Variants in PCDH15 observed in about 807,000 individuals in gnomAD.
PCDH15 encodes the protein protocadherin-15.
Under a neutral mutation model 178.5 loss-of-function variants are expected in PCDH15, and 129 were observed. The ratio of observed to expected loss-of-function variants is 0.72; its 90% confidence interval spans 0.63 to 0.84. The LOEUF is 0.84. PCDH15 is among the 40% of genes least tolerant of loss of function. PCDH15 has a pLI of 0.00. For synonymous variants in PCDH15, 800 were observed against 732.0 expected (o/e 1.09, Z -1.50); for missense variants, 2,230 against 2,099.9 (o/e 1.06, Z -1.21).
chr10:55,421,232 G>A (rs12251480), intron 2 of PCDH15, among the ~76,000 whole-genome samples: 40,790 of 150,638 alleles, frequency 0.27, 6,742 homozygotes, highest in African/African-American at 0.47. Flanking sequence ...CAGATAAGTC[G>A]AGGCAAGAAG....
intron 13 of PCDH15, among the ~76,000 whole-genome samples, chr10:54,176,719 G>A (rs2047475501): frequency 6.6e-6 from 1 of 152,098 alleles, no homozygotes; most frequent in Non-Finnish European, 1.5e-5. Context: ...AAACAGTGTG[G>A]TAGGAAATCC....
At chr10:53,970,623 C>A (rs1470243433) in intron 21 of PCDH15, among the ~76,000 whole-genome samples, 7 of 152,044 alleles carry the variant, frequency 4.6e-5, no homozygotes, top group Non-Finnish European at 4.4e-5. Flanking sequence ...ACTGAGCCCA[C>A]AGAAATACAA....
intron 37 of PCDH15, chr10:53,808,700 C>T (rs758301784): frequency 2.5e-6 from 4 of 1,612,402 alleles, no homozygotes; most frequent in East Asian, 4.5e-5. Context: ...TTTCAAAGTG[C>T]TGTGTTGTAA....
chr10:54,396,449 A>T (rs552027819), intron 3 of PCDH15, among the ~76,000 whole-genome samples: 37 of 152,202 alleles, frequency 2.4e-4, no homozygotes, highest in African/African-American at 8.7e-4. Flanking sequence ...CTTTTGGTCC[A>T]TGGGTCCATT....
At chr10:54,892,536 T>C (rs981520611) in intron 3 of PCDH15, among the ~76,000 whole-genome samples, 1 of 151,180 alleles carries the variant, frequency 6.6e-6, no homozygotes, top group Non-Finnish European at 1.5e-5. Flanking sequence ...ACAAAAAACA[T>C]TGAGATGCAT....
At chr10:54,286,013 G>A (rs1287802364) in intron 8 of PCDH15, among the ~76,000 whole-genome samples, 1 of 152,178 alleles carries the variant, frequency 6.6e-6, no homozygotes, top group African/African-American at 2.4e-5. Flanking sequence ...TCATAGTAGA[G>A]AGTAAAACAG....
chr10:54,731,544 A>ATATATATATATATATATATATAT (rs1943348077), intron 1 of PCDH15, among the ~76,000 whole-genome samples: 1 of 21,044 alleles, frequency 4.8e-5, no homozygotes, highest in Non-Finnish European at 1.2e-4. Flanking sequence ...AATGTGAGAT[A>ATATATATATATATATATATATAT]GATATATATA....
chr10:54,758,514 T>C (rs1566150824), intron 1 of PCDH15, among the ~76,000 whole-genome samples: 1 of 152,198 alleles, frequency 6.6e-6, no homozygotes, highest in Admixed American at 6.5e-5. Context: ...AGGCCACAAC[T>C]CCATCATAAA....
chr10:53,888,080 T>C (rs1000092739), intron 26 of PCDH15, among the ~76,000 whole-genome samples: 1 of 151,548 alleles, frequency 6.6e-6, no homozygotes, highest in Non-Finnish European at 1.5e-5. Flanking sequence ...GAAGAGAATA[T>C]ATAGTTTAAA....
At chr10:54,443,198 T>C (rs993852642) in intron 3 of PCDH15, among the ~76,000 whole-genome samples, 5 of 151,650 alleles carry the variant, frequency 3.3e-5, no homozygotes, top group Non-Finnish European at 7.4e-5. Context: ...TCTTTGCCTA[T>C]GTACACCATC....
intron 2 of PCDH15, among the ~76,000 whole-genome samples, chr10:55,114,249 C>T (rs1241391151): frequency 6.6e-6 from 1 of 152,080 alleles, no homozygotes; most frequent in Non-Finnish European, 1.5e-5. Context: ...CCGTGCCTGG[C>T]CAAAAAAGTA....
intron 2 of PCDH15, among the ~76,000 whole-genome samples, chr10:54,962,414 C>G (rs189825900): frequency 2.6e-5 from 4 of 152,188 alleles, no homozygotes; most frequent in Non-Finnish European, 5.9e-5. Context: ...TATCTCCCCC[C>G]ATTTGCCACA....
intron 3 of PCDH15, among the ~76,000 whole-genome samples, chr10:54,442,461 C>A (rs11004309): frequency 0.55 from 34,008 of 61,620 alleles, 9,475 homozygotes; most frequent in Non-Finnish European, 0.63. Context: ...TATATATATA[C>A]AGTCTTTTTT....
chr10:54,878,396 C>A lies in PCDH15; in HGVS notation c.-29+19054G>T, dbSNP rs190697114. Among the ~76,000 whole-genome samples the A allele has an allele frequency of 3.0e-4, 46 of 152,208 alleles. 2 individuals are homozygous for A. The South Asian group carries it at 6.0e-3, about 20-fold the overall frequency. Reference sequence around the variant, plus strand: ...TTTTTCCTGTTGTTATTTACAAATACAAATATGCAGATATTCCACAAGAAG... The same window carrying A: ...TTTTTCCTGTTGTTATTTACAAATAAAAATATGCAGATATTCCACAAGAAG... On this transcript the variant is annotated intron_variant, in intron 3 of 5. Transcript: ENST00000458638.
At chr10:54,643,283 C>T (rs761153866) in intron 2 of PCDH15, among the ~76,000 whole-genome samples, 1 of 152,106 alleles carries the variant, frequency 6.6e-6, no homozygotes, top group East Asian at 1.9e-4. Flanking sequence ...GAAGAGTCTC[C>T]TCAAATGACT....
chr10:54,248,891 TAG>T (rs547710692), intron 8 of PCDH15, among the ~76,000 whole-genome samples: 318 of 152,136 alleles, frequency 2.1e-3, no homozygotes, highest in Non-Finnish European at 3.8e-3. Context: ...GAAAATCATC[TAG>T]AGACATTTTG....
intron 3 of PCDH15, among the ~76,000 whole-genome samples, chr10:54,848,955 A>T (rs1953561819): frequency 6.6e-6 from 1 of 152,198 alleles, no homozygotes; most frequent in Non-Finnish European, 1.5e-5. Context: ...TGCTATATAA[A>T]ATTATTTATG....
chr10:54,347,506 G>T lies in PCDH15; in HGVS notation c.475-1022C>A, dbSNP rs185269821. ...GCTTTTAATGTTTGCTCAGGGATTT[G>T]TTCTCTTAATTTTTGACTAGGATTC... On this transcript the variant is annotated intron_variant, in intron 5 of 37. Coordinates refer to ENST00000644397, the MANE Select transcript of PCDH15 (RefSeq NM_001384140.1). Among the ~76,000 whole-genome samples, 881 of 152,184 alleles carry T rather than the reference G, an allele frequency of 5.8e-3. 38 individuals are homozygous for T. Among genetic ancestry groups the T allele is most frequent in the Admixed American group, 0.051 (776 of 15,282 alleles).
At chr10:54,782,390 C>A (rs1223133584) in intron 1 of PCDH15, among the ~76,000 whole-genome samples, 1 of 152,048 alleles carries the variant, frequency 6.6e-6, no homozygotes, top group Non-Finnish European at 1.5e-5. Flanking sequence ...TTGTGAAATG[C>A]TCAGAAATAT....
Sources: allele counts gnomAD v4.1 joint callset (sites outside exome capture counted in the v4.1 genomes callset), GRCh38; gene constraint gnomAD v4.1.1; transcripts MANE v1.5; gene names NCBI Gene and HGNC (gene_info 2026-07-23, HGNC 2026-07-21).